Variants in CSF1R observed in about 807,000 individuals in gnomAD.
The protein encoded by CSF1R is macrophage colony-stimulating factor 1 receptor.
CSF1R carries 40 observed loss-of-function variants against 110.0 expected under a neutral mutation model. The ratio of observed to expected loss-of-function variants is 0.36; its 90% CI spans 0.28 to 0.47. The LOEUF (loss-of-function observed/expected upper bound fraction) is 0.47, where lower values mean the gene tolerates loss of function less well. Among genes scored for constraint, CSF1R ranks in the 20% least tolerant of loss-of-function variants. The pLI is 0.99. For missense variants in CSF1R, 1,052 were observed against 1,253.0 expected (o/e 0.84, Z 2.42); for synonymous variants, 523 against 503.4 (o/e 1.04, Z -0.52).
At chr5:150,085,408 G>C (rs1342976684) in intron 1 of CSF1R, among the ~76,000 whole-genome samples, 1 of 151,892 alleles carries the variant, frequency 6.6e-6, no homozygotes, top group African/African-American at 2.4e-5. Flanking sequence ...CTGTGAAGAG[G>C]CCAGTATGAG....
intron 5 of CSF1R, among the ~76,000 whole-genome samples, chr5:150,076,368 ATCT>A (rs1228405643): frequency 1.4e-5 from 2 of 138,804 alleles, no homozygotes; most frequent in Admixed American, 1.4e-4. Context: ...CTATCTATCT[ATCT>A]ATCTAATCTA....
intron 14 of CSF1R, among the ~76,000 whole-genome samples, chr5:150,058,536 A>G (rs1385001651): frequency 6.6e-6 from 1 of 152,188 alleles, no homozygotes; most frequent in Admixed American, 6.5e-5. Context: ...TGCCCTCGAA[A>G]TTACCCACTC....
rs939348413 is a variant in CSF1R, at chr5:150,094,591, G to A, written c.-180-7984C>T. On this transcript the variant is annotated intron_variant, in intron 1 of 21. Transcript: ENST00000286301. Reference sequence around the variant, plus strand: ...TTGGCGTTTGTCATCAGAATCAGAGGTATCAATGGAGTGAGCCCAAAGGTT... The same window carrying A: ...TTGGCGTTTGTCATCAGAATCAGAGATATCAATGGAGTGAGCCCAAAGGTT... 3.2e-6 allele frequency: 5 copies of A among 1,573,968 alleles called. No individual in the cohort carries two copies. The South Asian group carries it at 3.3e-5, about 10-fold the overall frequency.
chr5:150,056,183 C>T lies in CSF1R; in HGVS notation c.2442+36G>A, dbSNP rs751573716. ...TATTTTGGGCCCCGACTCTTCACCC[C>T]CTCCCCAGCCTGGCCCAAGCCCTCC... On this transcript the variant is annotated intron_variant, in intron 17 of 20. Transcript: ENST00000675795. 13 of 1,614,082 alleles carry T rather than the reference C, an allele frequency of 8.1e-6. No individual in the cohort carries two copies. In the Admixed American group the frequency reaches 2.0e-4, roughly 25 times the overall value.
At chr5:150,100,089 C>T (rs1277954848) in intron 1 of CSF1R, among the ~76,000 whole-genome samples, 2 of 151,908 alleles carry the variant, frequency 1.3e-5, no homozygotes, top group Admixed American at 1.3e-4. Context: ...GGGACGCACC[C>T]GTGCCAGTTA....
chr5:150,061,461 T>C (rs138897601), intron 12 of CSF1R, 30 bp downstream of exon 12: 21 of 342,496 alleles, frequency 6.1e-5, no homozygotes, highest in South Asian at 2.5e-4. Flanking sequence ...CCACCCCCCA[T>C]CCCTTCCCTC....
In CSF1R at chr5:150,061,817, G is replaced by A. The variant is rs372747391; in HGVS notation, c.1659C>T (p.Ile553=). 2.4e-5 allele frequency: 38 copies of A among 1,614,076 alleles called. No homozygotes were observed. The highest frequency in any genetic ancestry group is 2.0e-4 in the Admixed American group (12 of 60,012). The change falls in exon 11 of 21, where the codon ATC becomes ATT. Residue 553 remains isoleucine (I), a synonymous_variant. Transcript: ENST00000675795. ...KPKYQVRWKI[I]ESYEGNSYTF... ...TATAACTGTTGCCCTCATAGCTCTC[G>A]ATGATCTTCCAGCGGACCTGGTACT...
Position 150,078,115 on chromosome 5 carries a change from G to A in CSF1R, c.726C>T (p.Thr242=), listed in dbSNP as rs2228422. 866,990 of 1,613,634 alleles carry A rather than the reference G, an allele frequency of 0.54. 239,809 individuals carry two copies. The highest frequency in any genetic ancestry group is 0.56 in the Non-Finnish European group (663,823 of 1,179,770). ...NFDVFLQHNN[T]KLAIPQQSDF... ...CTTGTGATCTGCAGGGACTGACCTT[G>A]GTGTTGTTGTGTTGGAGGAAGACAT... The change falls in exon 4 of 21, where the codon ACC becomes ACT. Residue 242 remains threonine, a synonymous_variant. Transcript: ENST00000675795.
At chr5:150,086,944 T>G (rs1189521391), upstream of CSF1R, among the ~76,000 whole-genome samples, 1 of 152,220 alleles carries the variant, frequency 6.6e-6, no homozygotes, top group African/African-American at 2.4e-5. Flanking sequence ...CTAAAATCCT[T>G]GGAATCTCCA....
chr5:150,074,636 C>T (rs1175023225), intron 5 of CSF1R, among the ~76,000 whole-genome samples: 3 of 152,186 alleles, frequency 2.0e-5, no homozygotes, highest in Non-Finnish European at 4.4e-5. Flanking sequence ...GGCTCTGCCA[C>T]AAGCCCTGGA....
At position 150,056,228 on chromosome 5, in the gene CSF1R, G is replaced by A; in HGVS notation, c.2433C>T (p.Val811=). ...CCCTCCCAGCACTTACATTGCCCTT[G>A]ACAATGTAGTTGGAGTCATTCATGA... ...RDIMNDSNYI[V]KGNARLPVKW... The change falls in exon 17 of 21, where the codon GTC becomes GTT. Residue 811 remains valine, a synonymous_variant. Coordinates refer to ENST00000675795, the MANE Select transcript of CSF1R (RefSeq NM_001288705.3). 1.2e-6 allele frequency: 2 copies of A among 1,614,142 alleles called. No homozygotes were observed. The highest frequency in any genetic ancestry group is 1.3e-5 in the African/African-American group (1 of 75,036).
chr5:150,057,520 G>A lies in CSF1R; in HGVS notation c.2205C>T (p.Asp735=), dbSNP rs777889423. 6 of 1,614,098 alleles carry A rather than the reference G, an allele frequency of 3.7e-6. No individual in the cohort carries two copies. The highest frequency in any genetic ancestry group is 1.7e-5 in the Admixed American group (1 of 60,016). The change falls in exon 15 of 21, where the codon GAC becomes GAT. Residue 735 remains aspartate, a synonymous_variant. Transcript: ENST00000675795. ...CCTCCTCACCTTGCTCAGAGAAGGA[G>A]TCATTTGAAGAAGTGGAGACAGGCC... is the stretch of plus-strand genomic sequence containing the variant. ...EMRPVSTSSN[D]SFSEQDLDKE...
intron 18 of CSF1R, 66 bp from the exon 19 acceptor site, chr5:150,055,402 A>G (rs1757160231): frequency 1.5e-6 from 2 of 1,348,232 alleles, no homozygotes; most frequent in Non-Finnish European, 2.1e-6. Context: ...GCACACCCAC[A>G]CACATCTTAG....
intron 1 of CSF1R, among the ~76,000 whole-genome samples, chr5:150,084,450 GGA>G (rs1376076533): frequency 1.1e-4 from 9 of 81,958 alleles, no homozygotes; most frequent in Non-Finnish European, 1.7e-4. Context: ...AAGGAAGGAA[GGA>G]AGGAAGAAAG....
rs771928787 is a variant in CSF1R at position 150,057,334 on chromosome 5, A to G, written c.2272T>C (p.Phe758Leu). 1 of 1,614,058 alleles carries G rather than the reference A, an allele frequency of 6.2e-7. No homozygotes were observed. The highest frequency in any genetic ancestry group is 8.5e-7 in the Non-Finnish European group (1 of 1,180,022). The change falls in exon 16 of 21, where the codon TTC becomes CTC. Residue 758 changes from phenylalanine to leucine, a missense_variant. By Grantham distance (22) the Phe-to-Leu change is conservative. Around this residue, in one of 5 missense-constraint regions of CSF1R, gnomAD observed 124 missense variants for 117.7 expected, o/e 1.05. Coordinates refer to ENST00000675795, the MANE Select transcript of CSF1R (RefSeq NM_001288705.3). ...RPLELRDLLH[F>L]SSQVAQGMAF... ...ATGCCCTGGGCTACTTGGCTGGAGA[A>G]GTGAAGCAGGTCCCGGAGCTCCAGG...
intron 17 of CSF1R, 24 bp from the exon 18 acceptor site, chr5:150,056,161 T>A (rs1757207457): frequency 6.2e-7 from 1 of 1,614,126 alleles, no homozygotes; most frequent in South Asian, 1.1e-5. Context: ...CCCCAGTTAT[T>A]TTGGGCCCCG....
chr5:150,087,281 T>C (rs1758879804), upstream of CSF1R, among the ~76,000 whole-genome samples: 1 of 152,226 alleles, frequency 6.6e-6, no homozygotes, highest in Non-Finnish European at 1.5e-5. Flanking sequence ...TTTGTTTTCT[T>C]CCTGTATACA....
Position 150,061,748 on chromosome 5 carries a change from C to A in CSF1R, c.1728G>T (p.Glu576Asp). The A allele has an allele frequency of 6.2e-7, 1 of 1,614,246 alleles. No individual in the cohort carries two copies. The highest frequency in any genetic ancestry group is 8.5e-7 in the Non-Finnish European group (1 of 1,180,050). Residue 576 changes from glutamate to aspartate, a missense_variant, in exon 11 of 21, where the codon GAG (glutamate) becomes GAT (aspartate). By Grantham distance (45) the Glu-to-Asp change is conservative. Coordinates refer to ENST00000675795, the MANE Select transcript of CSF1R (RefSeq NM_001288705.3). The part of the protein sequence containing the change: ...PTQLPYNEKW[E>D]FPRNNLQFGK... ...CAAACTGCAGGTTGTTCCGGGGGAA[C>A]TCCCACTTCTCGTTGTAAGGCAGCT...
At chr5:150,110,337 C>T (rs1287065033) in intron 1 of CSF1R, among the ~76,000 whole-genome samples, 1 of 152,230 alleles carries the variant, frequency 6.6e-6, no homozygotes, top group Non-Finnish European at 1.5e-5. Flanking sequence ...TGTGCTCTCG[C>T]CATTGTTCCA....
Sources: allele counts gnomAD v4.1 joint callset (sites outside exome capture counted in the v4.1 genomes callset), GRCh38; gene constraint gnomAD v4.1.1; regional missense constraint gnomAD v4.1.1; transcripts MANE v1.5; gene names NCBI Gene and HGNC (gene_info 2026-07-23, HGNC 2026-07-21).